SMAD2: variants seen among roughly 807,000 people sequenced by gnomAD.
The protein encoded by SMAD2 is MAD homolog 2.
A neutral mutation model predicts 64.4 loss-of-function variants in SMAD2; 8 were observed. The ratio of observed to expected loss-of-function variants is 0.12; its 90% CI spans 0.07 to 0.22. The LOEUF is 0.22. SMAD2 is among the 10% of genes least tolerant of loss of function. The pLI is 1.00. For missense variants in SMAD2, 289 were observed against 561.2 expected, an observed-to-expected ratio of 0.51 and a Z score of 4.90; for synonymous variants, 203 against 195.8, an observed-to-expected ratio of 1.04 and a Z score of -0.31.
rs1172069429 is a variant in SMAD2, at chr18:47,845,754, C to G, written c.1044G>C (p.Glu348Asp). ...LYYIGGEVFA[E>D]CLSDSAIFVQ... ...CAAAGATTGCACTATCACTTAGGCA[C>G]TCAGCAAAAACTTCCCCACCTATGT... Residue 348 changes from glutamate (E) to aspartate (D), a missense_variant, in exon 9 of 11, where the codon GAG becomes GAC. By Grantham distance (45) the Glu-to-Asp change is conservative. This residue lies in a region of SMAD2 where 49 missense variants were observed against 101.1 expected (regional missense o/e 0.48). Coordinates refer to ENST00000262160, the MANE Select transcript of SMAD2 (RefSeq NM_005901.6). 6.2e-7 allele frequency: 1 copy of G among 1,613,742 alleles called. No homozygotes were observed. The highest frequency in any genetic ancestry group is 8.5e-7 in the Non-Finnish European group (1 of 1,179,690).
chr18:47,851,590 C>T (rs905462274), intron 6 of SMAD2, among the ~76,000 whole-genome samples: 3 of 152,102 alleles, frequency 2.0e-5, no homozygotes, highest in Non-Finnish European at 2.9e-5. Flanking sequence ...CTAATATTGA[C>T]GGTTCCTTGG....
At chr18:47,917,347 A>G (rs554278369) in intron 1 of SMAD2, among the ~76,000 whole-genome samples, 2 of 152,292 alleles carry the variant, frequency 1.3e-5, no homozygotes, top group Non-Finnish European at 2.9e-5. Flanking sequence ...CTTTGCTTTT[A>G]AACTATGTCA....
At chr18:47,866,390 A>G (rs1036153221) in intron 5 of SMAD2, among the ~76,000 whole-genome samples, 3 of 151,572 alleles carry the variant, frequency 2.0e-5, no homozygotes, top group Admixed American at 6.6e-5. Context: ...ACCTTTTACA[A>G]TATCTATTCA....
intron 1 of SMAD2, among the ~76,000 whole-genome samples, chr18:47,910,170 G>T (rs1386856442): frequency 1.0e-5 from 1 of 97,530 alleles, no homozygotes; most frequent in Non-Finnish European, 2.1e-5. Context: ...TTGTGGATAT[G>T]GAAAAAAAAA....
rs1326667143 is a variant in SMAD2 at position 47,820,871 on chromosome 18, T to TA, written c.*20955dup. 1 of 149,130 alleles carries TA rather than the reference T, an allele frequency of 6.7e-6. No individual in the cohort carries two copies. The highest frequency in any genetic ancestry group is 1.5e-5 in the Non-Finnish European group (1 of 67,456). The allele number at this position is 149,130 out of a possible 1,614,324, so 9.2% of individuals were successfully genotyped here. On this transcript the variant is annotated 3_prime_UTR_variant, in exon 11 of 11. Coordinates refer to ENST00000262160, the MANE Select transcript of SMAD2 (RefSeq NM_005901.6). ...ATGCTATATATTTGTATATACACGA[T>TA]AGTGTAAATGCTATACATGCACTAT...
chr18:47,873,488 C>A (rs1044486857), intron 2 of SMAD2, among the ~76,000 whole-genome samples: 4 of 151,990 alleles, frequency 2.6e-5, no homozygotes, highest in African/African-American at 9.7e-5. Flanking sequence ...TAAGTATGAC[C>A]AGAAAATTCT....
At chr18:47,874,876 T>C (rs76800084) in intron 2 of SMAD2, among the ~76,000 whole-genome samples, 3,254 of 152,224 alleles carry the variant, frequency 0.021, 124 homozygotes, top group African/African-American at 0.075. Context: ...TGAATGTATA[T>C]TGCCTTTCAC....
intron 1 of SMAD2, among the ~76,000 whole-genome samples, chr18:47,914,644 T>C (rs1049222248): frequency 6.7e-6 from 1 of 149,576 alleles, no homozygotes. Flanking sequence ...TAAGTCATAA[T>C]GCCACTTCTG....
rs1357302614 is a variant in SMAD2 at position 47,810,948 on chromosome 18, T to C, written c.*30879A>G. 2 of 152,238 alleles carry C rather than the reference T, an allele frequency of 1.3e-5. No individual in the cohort carries two copies. The highest frequency in any genetic ancestry group is 4.8e-5 in the African/African-American group (2 of 41,460). The allele number at this position is 152,238 out of a possible 1,614,324, so 9.4% of individuals were successfully genotyped here. On this transcript the variant is annotated 3_prime_UTR_variant, in exon 11 of 11. Transcript: ENST00000262160. ...CAACTTCCGTGCCTGTCTTGTACTC[T>C]GAAGACAGTAATTATTAGCCTCGAA...
chr18:47,857,933 A>G (rs555203128), intron 6 of SMAD2, among the ~76,000 whole-genome samples: 1 of 152,320 alleles, frequency 6.6e-6, no homozygotes, highest in African/African-American at 2.4e-5. Context: ...AAGGTAGGGA[A>G]CTGACCCTCC....
At chr18:47,923,837 C>G (rs1416664835) in intron 1 of SMAD2, among the ~76,000 whole-genome samples, 2 of 152,192 alleles carry the variant, frequency 1.3e-5, no homozygotes, top group Non-Finnish European at 2.9e-5. Context: ...TGGTTTCGAG[C>G]AGAAATGGCC....
rs1401377883 is a variant in SMAD2 at position 47,848,553 on chromosome 18, T to C, written c.919A>G (p.Asn307Asp). 15 of 1,613,954 alleles carry C rather than the reference T, an allele frequency of 9.3e-6. No homozygotes were observed. Among genetic ancestry groups the C allele is most frequent in the Non-Finnish European group, 1.3e-5 (15 of 1,179,948 alleles). ...AAACCTAAGCAGAACCTCTCTGAAT[T>C]TGATGGGTCTGTAAAGCCATCTACA... The part of the protein sequence containing the change: ...LTVDGFTDPS[N>D]SERFCLGLLS... The change falls in exon 8 of 11, where the codon AAT becomes GAT. Residue 307 changes from asparagine to aspartate, a missense_variant. Transcript: ENST00000262160.
In SMAD2 at chr18:47,870,551, T is replaced by A. The variant is rs1418778323; in HGVS notation, c.250A>T (p.Ile84Phe). The change falls in exon 3 of 11, where the codon ATT becomes TTT. Residue 84 changes from isoleucine to phenylalanine, a missense_variant. Physicochemically the swap from Ile to Phe is conservative, Grantham distance 21. Coordinates refer to ENST00000262160, the MANE Select transcript of SMAD2 (RefSeq NM_005901.6). ...CVTIPSTCSEIWGLSTPNTID... is the reference protein window; with the variant it reads ...CVTIPSTCSEFWGLSTPNTID... ...GTATTTGGTGTACTCAGTCCCCAAA[T>A]TTCAGAGCAAGTGCTGTGCATAAAT... 6.2e-7 allele frequency: 1 copy of A among 1,613,000 alleles called. No individual in the cohort carries two copies. Among genetic ancestry groups the A allele is most frequent in the South Asian group, 1.1e-5 (1 of 91,062 alleles).
chr18:47,914,055 C>G (rs2034243916), intron 1 of SMAD2, among the ~76,000 whole-genome samples: 1 of 152,176 alleles, frequency 6.6e-6, no homozygotes, highest in African/African-American at 2.4e-5. Flanking sequence ...GTAAAGCCTT[C>G]AAGTTATTAA....
intron 2 of SMAD2, among the ~76,000 whole-genome samples, chr18:47,877,152 A>G (rs978525280): frequency 2.8e-4 from 43 of 151,276 alleles, no homozygotes; most frequent in African/African-American, 1.0e-3. Flanking sequence ...CTTCTTGCCT[A>G]AACAGTGTAT....
chr18:47,926,068 G>A (rs1245279325), intron 1 of SMAD2, among the ~76,000 whole-genome samples: 1 of 152,196 alleles, frequency 6.6e-6, no homozygotes, highest in African/African-American at 2.4e-5. Flanking sequence ...AGAAAGGGGT[G>A]ACATAGGGTG....
chr18:47,837,673 A>C lies in SMAD2; in HGVS notation c.*4154T>G. 1 of 233,016 alleles carries C rather than the reference A, an allele frequency of 4.3e-6. No homozygotes were observed. Among genetic ancestry groups the C allele is most frequent in the East Asian group, 6.0e-5 (1 of 16,654 alleles). 14.4% of individuals were successfully genotyped at this position (233,016 alleles called of 1,614,324 possible). Reference sequence around the variant, plus strand: ...AAGGAAGAATAAAATTCAGGCAATGAATATAATAGATTTAGCAAAGTAAAG... The same window carrying C: ...AAGGAAGAATAAAATTCAGGCAATGCATATAATAGATTTAGCAAAGTAAAG... On this transcript the variant is annotated 3_prime_UTR_variant, in exon 11 of 11. Coordinates refer to ENST00000262160, the MANE Select transcript of SMAD2 (RefSeq NM_005901.6).
intron 2 of SMAD2, among the ~76,000 whole-genome samples, chr18:47,888,535 G>C (rs895397355): frequency 6.6e-6 from 1 of 152,178 alleles, no homozygotes; most frequent in African/African-American, 2.4e-5. Flanking sequence ...CAGGGGTTAG[G>C]TGACAGTCTA....
intron 6 of SMAD2, chr18:47,853,256 C>G (rs867148371): frequency 1.5e-5 from 2 of 134,216 alleles, no homozygotes. Context: ...CCGTAGTATA[C>G]CCCTGGTCGT....
Sources: gnomAD v4.1 joint callset for allele counts (sites outside exome capture counted in the v4.1 genomes callset) on GRCh38, gnomAD v4.1.1 for gene constraint, gnomAD v4.1.1 regional missense constraint, MANE v1.5 for transcripts, NCBI Gene and HGNC (gene_info 2026-07-23, HGNC 2026-07-21) for gene names.